Variants in BBX observed in about 807,000 individuals in gnomAD.
BBX encodes HMG box transcription factor BBX.
Under a neutral mutation model 100.2 loss-of-function variants are expected in BBX, and 30 were observed. The ratio of observed to expected loss-of-function variants is 0.30; its 90% CI spans 0.22 to 0.41. The LOEUF (loss-of-function observed/expected upper bound fraction) is 0.41, where lower values mean the gene tolerates loss of function less well. BBX is among the 10% of genes least tolerant of loss of function. The pLI is 1.00. For missense variants in BBX, 1,023 were observed against 1,129.8 expected (o/e 0.91, Z 1.35); for synonymous variants, 376 against 388.1 (o/e 0.97, Z 0.37).
In BBX at chr3:107,636,821, G is replaced by A. The variant is rs1376930829; in HGVS notation, c.-83-9015G>A. Among the ~76,000 whole-genome samples, 3 of 152,170 alleles carry A rather than the reference G, an allele frequency of 2.0e-5. No individual in the cohort carries two copies. In the East Asian group the frequency reaches 5.8e-4, roughly 29 times the overall value. Reference sequence around the variant, plus strand: ...GTGGGAGCAGTAGAACTAATGCAGAGGGCATTTATTGAGGATTAATTATTG... The same window carrying A: ...GTGGGAGCAGTAGAACTAATGCAGAAGGCATTTATTGAGGATTAATTATTG... On this transcript the variant is annotated intron_variant, in intron 2 of 17. Coordinates refer to ENST00000325805, the MANE Select transcript of BBX (RefSeq NM_001142568.3).
Position 107,773,400 on chromosome 3 carries a change from C to T in BBX, c.1679C>T (p.Ala560Val), listed in dbSNP as rs1311404083. The T allele has an allele frequency of 2.5e-6, 4 of 1,614,072 alleles. No homozygotes were observed. The highest frequency in any genetic ancestry group is 3.4e-6 in the Non-Finnish European group (4 of 1,179,986). ...SRPPDFISIS[A>V]SKNISGETPE... ...CCTCCAGATTTCATTAGTATTTCTG[C>T]TAGCAAGAACATTTCTGGTGAGACA... The change falls in exon 11 of 18, where the codon GCT (alanine) becomes GTT (valine). Residue 560 changes from alanine to valine, a missense_variant. Around this residue, in one of 9 missense-constraint regions of BBX, gnomAD observed 348 missense variants for 353.2 expected, o/e 0.99. Coordinates refer to ENST00000325805, the MANE Select transcript of BBX (RefSeq NM_001142568.3). The surrounding 1 kb of genome is among the most constrained non-coding windows in gnomAD (Gnocchi z 4.1).
chr3:107,770,888 G>A (rs1204156913), intron 10 of BBX, among the ~76,000 whole-genome samples: 1 of 152,014 alleles, frequency 6.6e-6, no homozygotes, highest in Non-Finnish European at 1.5e-5. Flanking sequence ...GAAAAATGAG[G>A]TAAAAAAGCA....
At chr3:107,625,595 G>A (rs1432968078) in intron 2 of BBX, among the ~76,000 whole-genome samples, 1 of 152,126 alleles carries the variant, frequency 6.6e-6, no homozygotes, top group Non-Finnish European at 1.5e-5. Flanking sequence ...TCTAATTCTA[G>A]ATTCATCCAT....
In BBX at chr3:107,807,118, A is replaced by G. The variant is rs949302555; in HGVS notation, c.*1661A>G. 6.6e-6 allele frequency: 1 copy of G among 152,144 alleles called. No individual in the cohort carries two copies. Among genetic ancestry groups the G allele is most frequent in the Non-Finnish European group, 1.5e-5 (1 of 68,024 alleles). The allele number at this position is 152,144 out of a possible 1,614,324, so 9.4% of individuals were successfully genotyped here. On this transcript the variant is annotated 3_prime_UTR_variant, in exon 18 of 18. Transcript: ENST00000325805. The stretch of plus-strand genomic sequence containing the variant: ...TAGGTTTAGCTTCTCATGGTTGTAG[A>G]TATTACTTCAGTTCCGGTGCTGGAA...
At chr3:107,641,946 A>G (rs550628768) in intron 2 of BBX, 2 of 152,276 alleles carry the variant, frequency 1.3e-5, no homozygotes, top group South Asian at 2.1e-4. Flanking sequence ...ATGTGAGTGT[A>G]TATATGTTCC....
At chr3:107,686,964 T>C (rs1472287516) in intron 3 of BBX, among the ~76,000 whole-genome samples, 1 of 152,204 alleles carries the variant, frequency 6.6e-6, no homozygotes, top group African/African-American at 2.4e-5. Context: ...AAAAAATTTA[T>C]ATTTATTAAG....
chr3:107,758,915 C>A (rs1465513016), intron 10 of BBX, among the ~76,000 whole-genome samples: 1 of 152,176 alleles, frequency 6.6e-6, no homozygotes, highest in African/African-American at 2.4e-5. Context: ...TCACCTTTCC[C>A]CAACTCCATT....
intron 10 of BBX, among the ~76,000 whole-genome samples, 169 bp downstream of exon 10, chr3:107,755,847 C>G (rs1223255609): frequency 6.6e-6 from 1 of 152,104 alleles, no homozygotes; most frequent in Non-Finnish European, 1.5e-5. Flanking sequence ...CTGAATTTTG[C>G]TACTAAGAGT....
At chr3:107,630,268 G>T (rs1321739382) in intron 2 of BBX, among the ~76,000 whole-genome samples, 1 of 152,164 alleles carries the variant, frequency 6.6e-6, no homozygotes, top group African/African-American at 2.4e-5. Context: ...TTGTAGTCTA[G>T]CTTGAGAGTG....
chr3:107,683,352 C>G (rs760210902), intron 3 of BBX, among the ~76,000 whole-genome samples: 1 of 152,064 alleles, frequency 6.6e-6, no homozygotes, highest in Admixed American at 6.6e-5. Flanking sequence ...TAGATACTTC[C>G]TCATATGTTT....
intron 17 of BBX, 83 bp downstream of exon 17, chr3:107,801,364 G>T (rs915992648): frequency 2.1e-6 from 3 of 1,457,698 alleles, no homozygotes; most frequent in Non-Finnish European, 2.8e-6. Flanking sequence ...TTTTTACAGG[G>T]CATTGGGGTT....
intron 17 of BBX, among the ~76,000 whole-genome samples, chr3:107,803,834 A>G (rs2070782647): frequency 6.6e-6 from 1 of 152,162 alleles, no homozygotes; most frequent in African/African-American, 2.4e-5. Flanking sequence ...TGCAGCACAT[A>G]GTCCTCTCCC....
intron 6 of BBX, 49 bp downstream of exon 6, chr3:107,729,009 A>C (rs1354709936): frequency 6.4e-7 from 1 of 1,565,266 alleles, no homozygotes; most frequent in East Asian, 2.3e-5. Flanking sequence ...AGGGCAATAC[A>C]TTTCGGCAGC....
chr3:107,636,403 A>T (rs2056855112), intron 2 of BBX, among the ~76,000 whole-genome samples: 1 of 152,250 alleles, frequency 6.6e-6, no homozygotes, highest in African/African-American at 2.4e-5. Context: ...CTGCTTAAGA[A>T]AAGCTAATAT....
intron 4 of BBX, among the ~76,000 whole-genome samples, chr3:107,712,022 C>G (rs1041458521): frequency 1.1e-4 from 17 of 152,138 alleles, no homozygotes; most frequent in African/African-American, 4.1e-4. Flanking sequence ...ACCACAGGCA[C>G]ACACCACTAA....
chr3:107,641,140 A>G (rs2057179202), intron 2 of BBX, among the ~76,000 whole-genome samples: 1 of 145,598 alleles, frequency 6.9e-6, no homozygotes. Flanking sequence ...GCTAGAGTGC[A>G]ATGGCATTAC....
At chr3:107,573,424 G>A (rs1018939408) in intron 2 of BBX, among the ~76,000 whole-genome samples, 3 of 152,108 alleles carry the variant, frequency 2.0e-5, no homozygotes, top group Admixed American at 6.5e-5. Context: ...CGGGCTTGGC[G>A]GGCATCTGTA....
At chr3:107,537,204 TC>T (rs1461709288) in intron 2 of BBX, among the ~76,000 whole-genome samples, 1 of 152,228 alleles carries the variant, frequency 6.6e-6, no homozygotes, top group Non-Finnish European at 1.5e-5. Flanking sequence ...GTTTTGGACT[TC>T]CATTTTATTT....
intron 2 of BBX, among the ~76,000 whole-genome samples, chr3:107,586,096 A>G (rs1265606733): frequency 1.3e-5 from 2 of 152,180 alleles, no homozygotes; most frequent in Non-Finnish European, 2.9e-5. Context: ...AACCCAATGC[A>G]AAATCTGAAG....
Sources: gnomAD v4.1 joint callset for allele counts (sites outside exome capture counted in the v4.1 genomes callset) on GRCh38, gnomAD v4.1.1 for gene constraint, gnomAD v4.1.1 regional missense constraint, Gnocchi (gnomAD v3.1) non-coding constraint, MANE v1.5 for transcripts, NCBI Gene and HGNC (gene_info 2026-07-23, HGNC 2026-07-21) for gene names.